The following AMDHD2 variants were observed in gnomAD, a reference collection of about 807,000 sequenced individuals.
AMDHD2 encodes amidohydrolase domain containing 2.
A neutral mutation model predicts 41.8 loss-of-function variants in AMDHD2; 24 were observed. The observed-to-expected ratio is 0.57, with a 90% CI of 0.42 to 0.81. The LOEUF (loss-of-function observed/expected upper bound fraction) is 0.81, where lower values mean the gene tolerates loss of function less well. Among genes scored for constraint, AMDHD2 ranks in the 30% least tolerant of loss-of-function variants. The probability of loss-of-function intolerance (pLI) is 0.00; values close to 1 mark genes in which losing one functional copy is unlikely to be tolerated. For synonymous variants in AMDHD2, 332 were observed against 255.5 expected, an observed-to-expected ratio of 1.30 and a Z score of -2.85; for missense variants, 540 against 588.5, an observed-to-expected ratio of 0.92 and a Z score of 0.85.
intron 3 of AMDHD2, among the ~76,000 whole-genome samples, chr16:2,523,450 T>C (rs2065967063): frequency 6.6e-6 from 1 of 152,170 alleles, no homozygotes; most frequent in African/African-American, 2.4e-5. Flanking sequence ...ATGTATCGGC[T>C]GGAAGACTCA....
rs1008715460 is a variant in AMDHD2 at position 2,520,486 on chromosome 16, G to T, written c.28G>T (p.Ala10Ser). 3 of 1,233,342 alleles carry T rather than the reference G, an allele frequency of 2.4e-6. No homozygotes were observed. The highest frequency in any genetic ancestry group is 2.0e-6 in the Non-Finnish European group (2 of 982,126). The allele number at this position is 1,233,342 out of a possible 1,614,324, so 76.4% of individuals were successfully genotyped here. A position where few individuals can be genotyped will look rare whatever the true frequency, so the allele number is the denominator to read the frequency against. The change falls in exon 1 of 11, where the codon GCC becomes TCC. Residue 10 changes from alanine to serine, a missense_variant. By Grantham distance (99) the Ala-to-Ser change is moderately conservative. Transcript: ENST00000293971. ...GCGCGGCGAGCAGGGCGCGGCGGGG[G>T]CCCGCGTGCTCCAGTTCACTAACTG... MRGEQGAAGARVLQFTNCRI... is the reference protein window; with the variant it reads MRGEQGAAGSRVLQFTNCRI...
In AMDHD2 at chr16:2,527,472, C is replaced by T; in HGVS notation, c.361-89C>T. ...GCTGGGCTGGGTGCTGGGCTCTGAACTCTGACCTGAGATCTCTGGCCTTGG... is the reference window on the plus strand; with the variant it reads ...GCTGGGCTGGGTGCTGGGCTCTGAATTCTGACCTGAGATCTCTGGCCTTGG... On this transcript the variant is annotated intron_variant, in intron 3 of 10. Transcript: ENST00000293971. The surrounding 1 kb of genome is among the most constrained non-coding windows in gnomAD (Gnocchi z 6.1). The T allele has an allele frequency of 1.4e-6, 2 of 1,463,180 alleles. No individual in the cohort carries two copies. The highest frequency in any genetic ancestry group is 1.9e-6 in the Non-Finnish European group (2 of 1,064,108). The allele number at this position is 1,463,180 out of a possible 1,614,324, so 90.6% of individuals were successfully genotyped here. A position where few individuals can be genotyped will look rare whatever the true frequency, so the allele number is the denominator to read the frequency against.
At position 2,530,850 on chromosome 16, in the gene AMDHD2, ACCT is replaced by A. The variant is rs772574715; in HGVS notation, c.*1291_*1293del. The A allele has an allele frequency of 1.5e-5, 24 of 1,613,380 alleles. No individual in the cohort carries two copies. Among genetic ancestry groups the A allele is most frequent in the African/African-American group, 1.3e-4 (10 of 74,822 alleles). On this transcript the variant is annotated 3_prime_UTR_variant, in exon 11 of 11. Transcript: ENST00000293971. ...AAGCAGGCGACGGATGTGGATCCTGACCTCCTGAGAGGTGTGAGGTGCAGGGAT... is the reference window on the plus strand; with the variant it reads ...AAGCAGGCGACGGATGTGGATCCTGACCTGAGAGGTGTGAGGTGCAGGGAT...
At position 2,530,449 on chromosome 16, in the gene AMDHD2, C is replaced by A. The variant is rs1354541612; in HGVS notation, c.*886C>A. On this transcript the variant is annotated 3_prime_UTR_variant, in exon 11 of 11. Coordinates refer to ENST00000293971, the MANE Select transcript of AMDHD2 (RefSeq NM_001330449.2). ...CTTCGAGGCGGGTGGGCTTCTGGAG[C>A]CCTCTTGGCTCTGAGGACAGCCACA... The A allele has an allele frequency of 1.9e-6, 3 of 1,614,076 alleles. No homozygotes were observed. The South Asian group carries it at 3.3e-5, about 18-fold the overall frequency.
rs764609182 is a variant in AMDHD2 at position 2,528,676 on chromosome 16, G to A, written c.997G>A (p.Ala333Thr). 1.2e-6 allele frequency: 2 copies of A among 1,612,784 alleles called. No individual in the cohort carries two copies. Among genetic ancestry groups the A allele is most frequent in the African/African-American group, 1.3e-5 (1 of 74,952 alleles). ...CACCAAGACGCTGAGTGGCAGCATAGCCCCAATGGACGTCTGTGTCCGGCA... is the reference window on the plus strand; with the variant it reads ...CACCAAGACGCTGAGTGGCAGCATAACCCCAATGGACGTCTGTGTCCGGCA... ...AGTKTLSGSI[A>T]PMDVCVRHFL... The change falls in exon 9 of 11, where the codon GCC becomes ACC. Residue 333 changes from alanine (A) to threonine (T), a missense_variant. Coordinates refer to ENST00000293971, the MANE Select transcript of AMDHD2 (RefSeq NM_001330449.2).
rs555380110 is a variant in AMDHD2 at position 2,529,406 on chromosome 16, G to C, written c.1142-69G>C. The C allele has an allele frequency of 2.5e-6, 4 of 1,593,458 alleles. No individual in the cohort carries two copies. The East Asian group carries it at 9.0e-5, about 36-fold the overall frequency. ...GTTTCCCCACCAGCGTCGGGTTGTT[G>C]GGGAGCAGCTCTGGGGTAGGTGGGC... On this transcript the variant is annotated intron_variant, in intron 10 of 10. Transcript: ENST00000293971.
chr16:2,525,093 G>C (rs937517943), intron 3 of AMDHD2, among the ~76,000 whole-genome samples: 1 of 151,770 alleles, frequency 6.6e-6, no homozygotes, highest in African/African-American at 2.4e-5. Context: ...GTCTCCCTCT[G>C]TCACCCAGGC....
At chr16:2,528,973 C>A in intron 9 of AMDHD2, 21 bp from the exon 10 acceptor site, 1 of 1,560,782 alleles carries the variant, frequency 6.4e-7, no homozygotes, top group South Asian at 1.2e-5. Flanking sequence ...GGACTGTCAC[C>A]TAGCTGTGTC....
chr16:2,523,367 G>C (rs553849230), intron 3 of AMDHD2, among the ~76,000 whole-genome samples: 1 of 152,254 alleles, frequency 6.6e-6, no homozygotes, highest in Admixed American at 6.5e-5. Context: ...CAGAGCCAGA[G>C]CTGGGAACAA....
Position 2,530,994 on chromosome 16 carries a change from G to A in AMDHD2, c.*1431G>A, listed in dbSNP as rs563820819. On this transcript the variant is annotated 3_prime_UTR_variant, in exon 11 of 11. Coordinates refer to ENST00000293971, the MANE Select transcript of AMDHD2 (RefSeq NM_001330449.2). ...AGGGCTCCCAGGCAGGGAGAGGCAG[G>A]TGAGGTTCTCAGCCGATGTGTTAGA... 3.1e-6 allele frequency: 5 copies of A among 1,613,238 alleles called. No individual in the cohort carries two copies. In the African/African-American group the frequency reaches 5.3e-5, roughly 17 times the overall value.
chr16:2,529,842 C>T lies in AMDHD2; in HGVS notation c.*279C>T. ...TGGGATGGCTGGGCTGTAGTTTAGC[C>T]TGGGCCTTGGGCCCCAGTGGGGGAC... is the stretch of plus-strand genomic sequence containing the variant. On this transcript the variant is annotated 3_prime_UTR_variant, in exon 11 of 11. Coordinates refer to ENST00000293971, the MANE Select transcript of AMDHD2 (RefSeq NM_001330449.2). The T allele has an allele frequency of 5.0e-6, 7 of 1,406,132 alleles. No homozygotes were observed. Among genetic ancestry groups the T allele is most frequent in the Non-Finnish European group, 6.5e-6 (7 of 1,077,390 alleles). The allele number at this position is 1,406,132 out of a possible 1,614,324, so 87.1% of individuals were successfully genotyped here. A position where few individuals can be genotyped will look rare whatever the true frequency, so the allele number is the denominator to read the frequency against.
intron 8 of AMDHD2, 33 bp from the exon 9 acceptor site, chr16:2,528,617 A>AG: frequency 6.2e-7 from 1 of 1,612,484 alleles, no homozygotes. Context: ...GTGGCCCACG[A>AG]CCCCCCCAGA....
Position 2,530,227 on chromosome 16 carries a change from CAAT to C in AMDHD2, c.*667_*669del. The C allele has an allele frequency of 6.4e-7, 1 of 1,571,740 alleles. No homozygotes were observed. Among genetic ancestry groups the C allele is most frequent in the Non-Finnish European group, 8.6e-7 (1 of 1,159,132 alleles). On this transcript the variant is annotated 3_prime_UTR_variant, in exon 11 of 11. Transcript: ENST00000293971. ...TGACCAGCGTTCTGTTTTCTCTTCT[CAAT>C]AACCCTATCTCTTCACACATCCCCA...
At chr16:2,521,764 CTT>C (rs1283555541) in intron 3 of AMDHD2, among the ~76,000 whole-genome samples, 1 of 124,396 alleles carries the variant, frequency 8.0e-6, no homozygotes, top group Non-Finnish European at 1.7e-5. Context: ...ATCCAACATG[CTT>C]TTTTTTTTTG....
chr16:2,521,257 G>C lies in AMDHD2; in HGVS notation c.360+134G>C, dbSNP rs748733480. Reference sequence around the variant, plus strand: ...TGAGTCTGGCCTCCTTTGATGACCGGATCTGGGCCTGGGTCCCGCCCCTGT... The same window carrying C: ...TGAGTCTGGCCTCCTTTGATGACCGCATCTGGGCCTGGGTCCCGCCCCTGT... On this transcript the variant is annotated intron_variant, in intron 3 of 10. Coordinates refer to ENST00000293971, the MANE Select transcript of AMDHD2 (RefSeq NM_001330449.2). 2.5e-6 allele frequency: 3 copies of C among 1,221,950 alleles called. No homozygotes were observed. The African/African-American group carries it at 4.8e-5, about 20-fold the overall frequency. 75.7% of individuals were successfully genotyped at this position (1,221,950 alleles called of 1,614,324 possible).
In AMDHD2 at chr16:2,520,421, CG is replaced by C; in HGVS notation, c.-34del. On this transcript the variant is annotated 5_prime_UTR_variant, in exon 1 of 11. Transcript: ENST00000293971. The stretch of plus-strand genomic sequence containing the variant: ...CACTGGGCGCGGGATTTGGCCGCCG[CG>C]GGGCTCCGGAGCCGCTCGCTCCCGA... 1 of 1,222,654 alleles carries C rather than the reference CG, an allele frequency of 8.2e-7. No homozygotes were observed. Among genetic ancestry groups the C allele is most frequent in the African/African-American group, 1.6e-5 (1 of 63,636 alleles). The allele number at this position is 1,222,654 out of a possible 1,614,324, so 75.7% of individuals were successfully genotyped here. A position where few individuals can be genotyped will look rare whatever the true frequency, so the allele number is the denominator to read the frequency against.
rs1242328932 is a variant in AMDHD2, at chr16:2,527,766, C to T, written c.416-7C>T. 6 of 1,565,006 alleles carry T rather than the reference C, an allele frequency of 3.8e-6. No homozygotes were observed. The highest frequency in any genetic ancestry group is 2.3e-5 in the East Asian group (1 of 44,278). ...ACCTGCTGGAGCCACTTGCTCCCTC[C>T]TCCCAGGGCTGCACCTGGAGGGCCC... On this transcript the variant is annotated splice_polypyrimidine_tract_variant and splice_region_variant and intron_variant, in intron 4 of 10. Transcript: ENST00000293971. This position sits in a 1 kb window ranked among gnomAD's most constrained non-coding sequence, Gnocchi z 6.1.
At chr16:2,521,207 A>G in intron 3 of AMDHD2, 84 bp downstream of exon 3, 1 of 1,318,686 alleles carries the variant, frequency 7.6e-7, no homozygotes, top group South Asian at 1.6e-5. Context: ...CCCACCCCCC[A>G]CCCCCAGCAC....
rs568934735 is a variant in AMDHD2 at position 2,529,746 on chromosome 16, G to A, written c.*183G>A. 2.3e-4 allele frequency: 328 copies of A among 1,441,432 alleles called. 1 individual carries two copies. In the African/African-American group the frequency reaches 3.5e-3, roughly 15 times the overall value. The allele number at this position is 1,441,432 out of a possible 1,614,324, so 89.3% of individuals were successfully genotyped here. A position where few individuals can be genotyped will look rare whatever the true frequency, so the allele number is the denominator to read the frequency against. The stretch of plus-strand genomic sequence containing the variant: ...ACCCAGCAGGACTCGCCTTGGCTCC[G>A]GGTTTTGCTTGTGCTCACATGTGGC... On this transcript the variant is annotated 3_prime_UTR_variant, in exon 11 of 11. Transcript: ENST00000293971.
Sources: gnomAD v4.1 joint callset for allele counts (sites outside exome capture counted in the v4.1 genomes callset) on GRCh38, gnomAD v4.1.1 for gene constraint, Gnocchi (gnomAD v3.1) non-coding constraint, MANE v1.5 for transcripts, NCBI Gene and HGNC (gene_info 2026-07-23, HGNC 2026-07-21) for gene names.